Variants in GRM1 observed in about 807,000 individuals in gnomAD.
GRM1 encodes metabotropic glutamate receptor 1.
In GRM1, 33 loss-of-function variants were observed where a neutral mutation model predicts 90.9. That is an observed-to-expected ratio of 0.36 (90% CI 0.28 to 0.49). GRM1 has a LOEUF of 0.49. Among genes scored for constraint, GRM1 ranks in the 20% least tolerant of loss-of-function variants. The probability of loss-of-function intolerance (pLI) is 0.99; values close to 1 mark genes in which losing one functional copy is unlikely to be tolerated. For missense variants in GRM1, 1,190 were observed against 1,534.3 expected, an observed-to-expected ratio of 0.78 and a Z score of 3.75; for synonymous variants, 700 against 613.2, an observed-to-expected ratio of 1.14 and a Z score of -2.09.
chr6:146,365,408 C>T (rs1775640800), intron 5 of GRM1: 1 of 152,328 alleles, frequency 6.6e-6, no homozygotes, highest in African/African-American at 2.4e-5. Context: ...GGTCACTGAA[C>T]TTTTTTGTTA....
chr6:146,254,871 A>C (rs1342828359), intron 2 of GRM1, among the ~76,000 whole-genome samples: 1 of 152,182 alleles, frequency 6.6e-6, no homozygotes, highest in East Asian at 1.9e-4. Flanking sequence ...ATAAAATCAC[A>C]GTCAGTGACT....
intron 1 of GRM1, among the ~76,000 whole-genome samples, chr6:146,116,066 T>G (rs1775734015): frequency 6.6e-6 from 1 of 152,188 alleles, no homozygotes; most frequent in South Asian, 2.1e-4. Context: ...TTCTCTTCCC[T>G]CAGCCTCCCA....
intron 1 of GRM1, among the ~76,000 whole-genome samples, chr6:146,085,712 A>T (rs1284021349): frequency 6.6e-6 from 1 of 152,170 alleles, no homozygotes; most frequent in Non-Finnish European, 1.5e-5. Context: ...GACATGTATA[A>T]ACCACTGTTC....
At position 146,217,861 on chromosome 6, in the gene GRM1, G is replaced by A. The variant is rs4345413; in HGVS notation, c.950+58264G>A. 1.6e-3 allele frequency among the ~76,000 whole-genome samples: 241 copies of A among 152,222 alleles called. 2 individuals carry two copies. Among genetic ancestry groups the A allele is most frequent in the African/African-American group, 5.6e-3 (231 of 41,520 alleles). On this transcript the variant is annotated intron_variant, in intron 2 of 7. Transcript: ENST00000282753. ...GGCTTCCCAGAGAGGTGACTTTAGA[G>A]GCTTATCTTGAAGGAAGAATAGATG...
At chr6:146,221,439 T>C (rs1780058916) in intron 2 of GRM1, among the ~76,000 whole-genome samples, 1 of 152,172 alleles carries the variant, frequency 6.6e-6, no homozygotes, top group African/African-American at 2.4e-5. Flanking sequence ...AGTGAGAACA[T>C]GCAGTCTTTG....
In GRM1 at chr6:146,029,082, A is replaced by G. The variant is rs888291143; in HGVS notation, c.-436A>G. ...GCTCCAAGCTGTTCCTGCAGCCGAT[A>G]TCAGGATGTGCCGAAATGAAACGGA... is the stretch of plus-strand genomic sequence containing the variant. On this transcript the variant is annotated 5_prime_UTR_variant, in exon 1 of 8. In the 5' UTR this introduces an upstream ATG that the reference lacks. Transcript: ENST00000282753. The G allele has an allele frequency of 1.2e-4, 31 of 268,554 alleles. No homozygotes were observed. The highest frequency in any genetic ancestry group is 6.3e-4 in the African/African-American group (28 of 44,616). The allele number at this position is 268,554 out of a possible 1,614,324, so 16.6% of individuals were successfully genotyped here. A position where few individuals can be genotyped will look rare whatever the true frequency, so the allele number is the denominator to read the frequency against.
chr6:146,050,577 G>T (rs1268075174), intron 1 of GRM1, among the ~76,000 whole-genome samples: 2 of 151,948 alleles, frequency 1.3e-5, no homozygotes, highest in African/African-American at 4.8e-5. Context: ...ATTTTTAAGA[G>T]GGGGGAGGGG....
intron 1 of GRM1, among the ~76,000 whole-genome samples, chr6:146,112,413 A>G (rs1471441744): frequency 6.6e-6 from 1 of 151,996 alleles, no homozygotes; most frequent in African/African-American, 2.4e-5. Flanking sequence ...AAGCAGAACT[A>G]GTGAGTTCTC....
intron 1 of GRM1, among the ~76,000 whole-genome samples, chr6:146,100,125 A>C (rs1777002458): frequency 6.6e-6 from 1 of 152,106 alleles, no homozygotes; most frequent in Admixed American, 6.5e-5. Flanking sequence ...AGTTAGGTTG[A>C]GTAACTTTTT....
chr6:146,108,528 G>C (rs1292726535), intron 1 of GRM1, among the ~76,000 whole-genome samples: 1 of 152,172 alleles, frequency 6.6e-6, no homozygotes, highest in Non-Finnish European at 1.5e-5. Flanking sequence ...ACAGGGAACT[G>C]TAAGTCCAAT....
intron 7 of GRM1, among the ~76,000 whole-genome samples, chr6:146,417,891 T>C (rs927958936): frequency 6.6e-6 from 1 of 152,160 alleles, no homozygotes; most frequent in Non-Finnish European, 1.5e-5. Context: ...ACTTTGGAAG[T>C]TTGTCATCTA....
At chr6:146,293,327 G>A (rs562143832) in intron 2 of GRM1, among the ~76,000 whole-genome samples, 1 of 151,946 alleles carries the variant, frequency 6.6e-6, no homozygotes, top group Admixed American at 6.6e-5. Context: ...CAATGGAGAG[G>A]AGATGCTTGA....
intron 1 of GRM1, among the ~76,000 whole-genome samples, chr6:146,075,873 T>C (rs1776168959): frequency 6.6e-6 from 1 of 152,214 alleles, no homozygotes; most frequent in Non-Finnish European, 1.5e-5. Context: ...TCCACTCCTC[T>C]TTTTATAAGG....
At chr6:146,220,020 T>TG (rs542232743) in intron 2 of GRM1, among the ~76,000 whole-genome samples, 36 of 152,130 alleles carry the variant, frequency 2.4e-4, no homozygotes, top group African/African-American at 5.5e-4. Flanking sequence ...CAGATGACCG[T>TG]GAGTACGTAG....
chr6:146,223,168 A>G (rs1780129108), intron 2 of GRM1, among the ~76,000 whole-genome samples: 1 of 152,044 alleles, frequency 6.6e-6, no homozygotes, highest in African/African-American at 2.4e-5. Context: ...TATTGTAAAG[A>G]GTAGATCACC....
At chr6:146,031,713 T>C (rs903623035) in intron 1 of GRM1, among the ~76,000 whole-genome samples, 6 of 152,174 alleles carry the variant, frequency 3.9e-5, no homozygotes, top group African/African-American at 1.4e-4. Flanking sequence ...TAATTCCTTA[T>C]ATTTTAATAT....
intron 7 of GRM1, among the ~76,000 whole-genome samples, chr6:146,402,331 C>T (rs530149710): frequency 3.5e-4 from 53 of 152,208 alleles, no homozygotes; most frequent in African/African-American, 1.3e-3. Flanking sequence ...TCATTTTTCT[C>T]ATTTGTTCTG....
chr6:146,200,922 G>C (rs1443426244), intron 2 of GRM1, among the ~76,000 whole-genome samples: 5 of 152,192 alleles, frequency 3.3e-5, no homozygotes, highest in Non-Finnish European at 7.3e-5. Context: ...CCTGTGTCTT[G>C]TATTAGTTCT....
intron 1 of GRM1, among the ~76,000 whole-genome samples, chr6:146,041,158 A>G (rs1416768513): frequency 2.0e-5 from 3 of 151,880 alleles, no homozygotes; most frequent in Non-Finnish European, 2.9e-5. Context: ...AATTGCTTTT[A>G]TGTGTTATCT....
Sources: allele counts gnomAD v4.1 joint callset (sites outside exome capture counted in the v4.1 genomes callset), GRCh38; gene constraint gnomAD v4.1.1; transcripts MANE v1.5; gene names NCBI Gene and HGNC (gene_info 2026-07-23, HGNC 2026-07-21).